The following LAMB1 variants were observed in gnomAD, a reference collection of about 807,000 sequenced individuals.
LAMB1 encodes laminin subunit beta 1, also known as laminin subunit beta-1.
A neutral mutation model predicts 222.3 loss-of-function variants in LAMB1; 121 were observed. The observed-to-expected ratio is 0.54, with a 90% CI of 0.47 to 0.63. The LOEUF (loss-of-function observed/expected upper bound fraction) is 0.63, where lower values mean the gene tolerates loss of function less well. Among genes scored for constraint, LAMB1 ranks in the 30% least tolerant of loss-of-function variants. The pLI is 0.00. For synonymous variants in LAMB1, 794 were observed against 807.2 expected (o/e 0.98, Z 0.28); for missense variants, 2,172 against 2,240.8 (o/e 0.97, Z 0.62).
chr7:107,976,594 G>C (rs1268823866), intron 9 of LAMB1, among the ~76,000 whole-genome samples: 1 of 152,042 alleles, frequency 6.6e-6, no homozygotes, highest in Non-Finnish European at 1.5e-5. Context: ...CTCCCACCTT[G>C]CCTGTCTCCC....
At chr7:107,996,788 T>G (rs574948296) in intron 4 of LAMB1, among the ~76,000 whole-genome samples, 19 of 152,354 alleles carry the variant, frequency 1.2e-4, no homozygotes, top group African/African-American at 4.1e-4. Flanking sequence ...TGTTTCACTG[T>G]CTGCTGACTA....
At chr7:107,976,991 T>C (rs13243137) in intron 9 of LAMB1, among the ~76,000 whole-genome samples, 428 of 11,110 alleles carry the variant, frequency 0.039, 4 homozygotes, top group Middle Eastern at 0.091. Context: ...CCTTTCCTCT[T>C]CCTCCTTCCT....
chr7:107,962,990 A>C lies in LAMB1; in HGVS notation c.1772T>G (p.Val591Gly). ...PSWTGAGFVR[V>G]PEGAYLEFFI... is the part of the protein sequence containing the mutation. Reference sequence around the variant, plus strand: ...AAACTCCAAATAAGCCCCTTCAGGCACTCGGACGAAGCCGGCTCCAGTCCA... The same window carrying C: ...AAACTCCAAATAAGCCCCTTCAGGCCCTCGGACGAAGCCGGCTCCAGTCCA... The change falls in exon 15 of 34, where the codon GTG becomes GGG. Residue 591 changes from valine (V) to glycine (G), a missense_variant. Coordinates refer to ENST00000222399, the MANE Select transcript of LAMB1 (RefSeq NM_002291.3). The C allele has an allele frequency of 6.2e-7, 1 of 1,613,998 alleles. No homozygotes were observed. The highest frequency in any genetic ancestry group is 8.5e-7 in the Non-Finnish European group (1 of 1,179,932).
intron 26 of LAMB1, among the ~76,000 whole-genome samples, chr7:107,936,052 A>G (rs1349643849): frequency 6.6e-6 from 1 of 152,244 alleles, no homozygotes; most frequent in Non-Finnish European, 1.5e-5. Context: ...TAGGTTCCAC[A>G]TATGTGGATT....
rs1331241731 is a variant in LAMB1 at position 107,940,190 on chromosome 7, T to A, written c.3560A>T (p.Asp1187Val). 6.2e-7 allele frequency: 1 copy of A among 1,614,072 alleles called. No individual in the cohort carries two copies. The highest frequency in any genetic ancestry group is 8.5e-7 in the Non-Finnish European group (1 of 1,180,010). The part of the protein sequence containing the change: ...TPCHQCFALW[D>V]VIIAELTNRT... ...GTTGGTCAGCTCGGCAATGATCACA[T>A]CCCAGAGAGCAAAGCACTGGTGGCA... The change falls in exon 25 of 34, where the codon GAT becomes GTT. Residue 1187 changes from aspartate (D) to valine (V), a missense_variant. Transcript: ENST00000222399.
intron 24 of LAMB1, 135 bp from the exon 25 acceptor site, chr7:107,940,493 G>T: frequency 4.5e-6 from 4 of 893,268 alleles, no homozygotes; most frequent in Non-Finnish European, 5.0e-6. Flanking sequence ...CAATGGCTCA[G>T]GTAGAGACTG....
intron 9 of LAMB1, 78 bp downstream of exon 9, chr7:107,977,969 A>G (rs2033900832): frequency 1.3e-6 from 2 of 1,532,920 alleles, no homozygotes; most frequent in South Asian, 1.1e-5. Context: ...AAAACAGTAC[A>G]CTGTTACAGT....
At position 107,975,047 on chromosome 7, in the gene LAMB1, GA is replaced by G. The variant is rs777089145; in HGVS notation, c.1420del (p.Ser474ProfsTer12). 6.2e-7 allele frequency: 1 copy of G among 1,613,506 alleles called. No individual in the cohort carries two copies. The highest frequency in any genetic ancestry group is 8.5e-7 in the Non-Finnish European group (1 of 1,179,538). On this transcript the variant is annotated frameshift_variant, in exon 12 of 34. Coordinates refer to ENST00000222399, the MANE Select transcript of LAMB1 (RefSeq NM_002291.3). LOFTEE classifies it high-confidence loss of function. ...GTIPGGNPCD[S>X]ETGHCYCKRL... ...CTTGCAGTAGCAGTGACCTGTCTCGGAATCACAAGGATTCCCTCCAGGAATT... is the reference window on the plus strand; with the variant it reads ...CTTGCAGTAGCAGTGACCTGTCTCGGATCACAAGGATTCCCTCCAGGAATT...
At chr7:108,002,182 G>C in intron 2 of LAMB1, 1 of 1,402,848 alleles carries the variant, frequency 7.1e-7, no homozygotes, top group Non-Finnish European at 9.5e-7. Flanking sequence ...GTGTGAGTGT[G>C]CGCGTGGAGA....
intron 10 of LAMB1, 56 bp from the exon 11 acceptor site, chr7:107,975,469 G>A (rs2033833741): frequency 6.8e-7 from 1 of 1,465,694 alleles, no homozygotes; most frequent in Non-Finnish European, 9.2e-7. Context: ...ATGTATCTTT[G>A]TATAAATACA....
At chr7:107,927,614 G>GGCTTTCAAAACAATAATTTCT (rs2032596249) in intron 31 of LAMB1, among the ~76,000 whole-genome samples, 1 of 151,936 alleles carries the variant, frequency 6.6e-6, no homozygotes, top group Admixed American at 6.6e-5. Context: ...TGCTGCACCT[G>GGCTTTCAAAACAATAATTTCT]GCTTTCAAAA....
At chr7:107,998,330 G>C (rs776788821) in intron 4 of LAMB1, 27 bp downstream of exon 4, 2 of 1,612,144 alleles carry the variant, frequency 1.2e-6, no homozygotes, top group Non-Finnish European at 1.7e-6. Flanking sequence ...ACACTCAACG[G>C]AACTTGTCCC....
chr7:107,992,663 A>T (rs2034207394), intron 5 of LAMB1, among the ~76,000 whole-genome samples: 1 of 152,208 alleles, frequency 6.6e-6, no homozygotes, highest in South Asian at 2.1e-4. Context: ...TGGGAGGCCA[A>T]GGTGGGAGGA....
chr7:107,935,807 G>T (rs1370937362), intron 26 of LAMB1, 151 bp from the exon 27 acceptor site: 5 of 867,492 alleles, frequency 5.8e-6, no homozygotes, highest in Non-Finnish European at 6.9e-6. Context: ...GTTTTCATGA[G>T]CAATGAATAT....
chr7:107,980,849 ACAAG>A, intron 7 of LAMB1, 38 bp from the exon 8 acceptor site: 1 of 1,331,706 alleles, frequency 7.5e-7, no homozygotes, highest in South Asian at 1.3e-5. Flanking sequence ...GTCTGATCAG[ACAAG>A]CAAGAAGTTT....
rs1335841113 is a variant in LAMB1, at chr7:107,960,429, G to A, written c.2314+16C>T. The A allele has an allele frequency of 6.2e-7, 1 of 1,601,440 alleles. No homozygotes were observed. The highest frequency in any genetic ancestry group is 8.6e-7 in the Non-Finnish European group (1 of 1,169,026). The stretch of plus-strand genomic sequence containing the variant: ...GCCAGAAACAGCAGCTGCTGCAGCT[G>A]CCCAGCAATACCTACCCAGGCCTGT... On this transcript the variant is annotated intron_variant, in intron 18 of 33. Transcript: ENST00000222399.
At chr7:107,933,433 G>A (rs988405238) in intron 27 of LAMB1, among the ~76,000 whole-genome samples, 1 of 152,046 alleles carries the variant, frequency 6.6e-6, no homozygotes, top group African/African-American at 2.4e-5. Context: ...AACTAAATAA[G>A]TCATTTATCT....
At chr7:107,959,649 T>C in intron 19 of LAMB1, 42 bp downstream of exon 19, 1 of 1,614,114 alleles carries the variant, frequency 6.2e-7, no homozygotes, top group Non-Finnish European at 8.5e-7. Flanking sequence ...AATGGCTGAG[T>C]TAATCTGAAT....
rs746514715 is a variant in LAMB1, at chr7:107,926,343, G to C, written c.4904C>G (p.Ala1635Gly). 4.3e-6 allele frequency: 7 copies of C among 1,613,506 alleles called. No homozygotes were observed. The highest frequency in any genetic ancestry group is 1.6e-4 in the Middle Eastern group (1 of 6,078). Residue 1635 changes from alanine to glycine, a missense_variant, in exon 32 of 34, where the codon GCA becomes GGA. Ala to Gly is a moderately conservative substitution (Grantham distance 60, BLOSUM62 0). Coordinates refer to ENST00000222399, the MANE Select transcript of LAMB1 (RefSeq NM_002291.3). ...GTTGAACAAGGTTTCCTCAGAAGCT[G>C]CTGTTTCAGACTCAATCTAAAAGCA... Reference protein sequence around the residue: ...NLLTSIESETAASEETLFNAS... With the variant: ...NLLTSIESETGASEETLFNAS...
Sources: gnomAD v4.1 joint callset for allele counts (sites outside exome capture counted in the v4.1 genomes callset) on GRCh38, gnomAD v4.1.1 for gene constraint, MANE v1.5 for transcripts, NCBI Gene and HGNC (gene_info 2026-07-23, HGNC 2026-07-21) for gene names.